KLHL32: variants seen among roughly 807,000 people sequenced by gnomAD.
KLHL32 encodes kelch like family member 32, also known as kelch-like protein 32.
In KLHL32, 35 loss-of-function variants were observed where a neutral mutation model predicts 64.8. The observed-to-expected ratio is 0.54, with a 90% CI of 0.41 to 0.72. The LOEUF (loss-of-function observed/expected upper bound fraction) is 0.72, where lower values mean the gene tolerates loss of function less well. Among genes scored for constraint, KLHL32 ranks in the 30% least tolerant of loss-of-function variants. KLHL32 has a pLI of 0.00. For missense variants in KLHL32, 589 were observed against 768.5 expected, an observed-to-expected ratio of 0.77 and a Z score of 2.76; for synonymous variants, 259 against 281.0, an observed-to-expected ratio of 0.92 and a Z score of 0.78.
rs185161172 is a variant in KLHL32, at chr6:97,002,744, C to T, written c.204+26567C>T. Among the ~76,000 whole-genome samples, 161 of 152,268 alleles carry T rather than the reference C, an allele frequency of 1.1e-3. 1 individual carries two copies. The highest frequency in any genetic ancestry group is 3.3e-3 in the African/African-American group (139 of 41,542). Reference sequence around the variant, plus strand: ...CGCAGTATTTGGTTTTCTGTTCCTGCGTTAGTTCACTTACAGTAGTGACCT... The same window carrying T: ...CGCAGTATTTGGTTTTCTGTTCCTGTGTTAGTTCACTTACAGTAGTGACCT... On this transcript the variant is annotated intron_variant, in intron 3 of 10. Transcript: ENST00000369261.
rs756162471 is a variant in KLHL32, at chr6:96,976,132, C to T, written c.159C>T (p.Phe53=). ...CCCTGATTGCTGAGGAACAGAAATT[C>T]CATGCTCACAAGGCAGTCCTAGCAG... is the stretch of plus-strand genomic sequence containing the variant. ...DITLIAEEQK[F]HAHKAVLAAC... Residue 53 remains phenylalanine, a synonymous_variant, in exon 3 of 11, where the codon TTC becomes TTT. Transcript: ENST00000369261. 5.6e-6 allele frequency: 9 copies of T among 1,606,106 alleles called. No individual in the cohort carries two copies. In the South Asian group the frequency reaches 7.8e-5, roughly 14 times the overall value.
chr6:96,937,785 T>G (rs947506453), intron 1 of KLHL32, among the ~76,000 whole-genome samples: 1 of 152,168 alleles, frequency 6.6e-6, no homozygotes, highest in Non-Finnish European at 1.5e-5. Flanking sequence ...TGTGCCACTT[T>G]CTTTATCCTT....
At chr6:97,107,469 G>A (rs979533323) in intron 6 of KLHL32, among the ~76,000 whole-genome samples, 13 of 152,218 alleles carry the variant, frequency 8.5e-5, no homozygotes, top group East Asian at 3.9e-4. Context: ...GGGTTAAGTC[G>A]GTTAACTTGT....
chr6:97,119,466 A>G (rs1798141880), intron 7 of KLHL32, among the ~76,000 whole-genome samples: 1 of 152,190 alleles, frequency 6.6e-6, no homozygotes, highest in Non-Finnish European at 1.5e-5. Flanking sequence ...GGGAAACACT[A>G]CAGGGATATC....
chr6:97,123,967 C>T (rs1446763647), intron 7 of KLHL32, among the ~76,000 whole-genome samples: 1 of 152,146 alleles, frequency 6.6e-6, no homozygotes, highest in Non-Finnish European at 1.5e-5. Context: ...TATGCAAATC[C>T]TTAGCATCTC....
chr6:96,910,487 A>G, the KLHL32 span, among the ~76,000 whole-genome samples: 1 of 152,208 alleles, frequency 6.6e-6, no homozygotes, highest in East Asian at 1.9e-4. Context: ...AGTCTTCCCA[A>G]CTATATGTGG....
chr6:97,016,225 A>C (rs1485784943), intron 3 of KLHL32, among the ~76,000 whole-genome samples: 1 of 152,214 alleles, frequency 6.6e-6, no homozygotes, highest in East Asian at 1.9e-4. Flanking sequence ...TGGCAGCTCC[A>C]CTGACAGCTT....
chr6:97,015,035 G>C (rs915963500), intron 3 of KLHL32, among the ~76,000 whole-genome samples: 1 of 152,106 alleles, frequency 6.6e-6, no homozygotes, highest in African/African-American at 2.4e-5. Context: ...TTTATATGGG[G>C]CTCTTTTTCC....
At chr6:97,064,585 T>A in intron 4 of KLHL32, 43 bp from the exon 5 acceptor site, 4 of 1,410,680 alleles carry the variant, frequency 2.8e-6, no homozygotes, top group Non-Finnish European at 4.0e-6. Context: ...ATTATATTTT[T>A]AAGTGTAACT....
intron 6 of KLHL32, among the ~76,000 whole-genome samples, chr6:97,108,936 A>T (rs776862572): frequency 2.5e-4 from 38 of 152,364 alleles, no homozygotes; most frequent in Admixed American, 5.2e-4. Context: ...GCAGCAATTT[A>T]CCATAGTGGA....
intron 1 of KLHL32, among the ~76,000 whole-genome samples, chr6:96,949,259 T>G (rs1038416668): frequency 3.9e-5 from 6 of 152,214 alleles, no homozygotes; most frequent in Admixed American, 1.3e-4. Flanking sequence ...TGGATGAGTC[T>G]TTCTAAAATC....
intron 1 of KLHL32, among the ~76,000 whole-genome samples, chr6:96,952,341 C>T (rs997185089): frequency 6.6e-6 from 1 of 151,936 alleles, no homozygotes; most frequent in Non-Finnish European, 1.5e-5. Context: ...TTTTTGTGAC[C>T]AGAAATATGC....
chr6:96,952,963 A>G (rs7769945), intron 1 of KLHL32, among the ~76,000 whole-genome samples: 33,823 of 151,996 alleles, frequency 0.22, 3,961 homozygotes, highest in Admixed American at 0.27. Context: ...TTCATCCCCA[A>G]TCAATCAGCA....
intron 6 of KLHL32, among the ~76,000 whole-genome samples, chr6:97,092,465 T>C (rs1794404296): frequency 6.6e-6 from 1 of 152,220 alleles, no homozygotes; most frequent in Non-Finnish European, 1.5e-5. Context: ...TCTGAAACTT[T>C]TTATAGTTTC....
At chr6:97,044,995 C>CTAT (rs1480203003) in intron 4 of KLHL32, among the ~76,000 whole-genome samples, 2 of 151,940 alleles carry the variant, frequency 1.3e-5, no homozygotes, top group African/African-American at 4.8e-5. Flanking sequence ...TTTGTAGTCT[C>CTAT]TATTTTTCAC....
rs142369456 is a variant in KLHL32, at chr6:96,999,511, G to A, written c.204+23334G>A. On this transcript the variant is annotated intron_variant, in intron 3 of 10. Transcript: ENST00000369261. ...TCATCTGTTTTCACCATATTTGATG[G>A]AATTTTGAAGTGAACAATTCCTGAC... 7.0e-3 allele frequency: 6,817 copies of A among 968,720 alleles called. 48 individuals carry two copies. The highest frequency in any genetic ancestry group is 0.027 in the South Asian group (559 of 20,870). The allele number at this position is 968,720 out of a possible 1,614,324, so 60.0% of individuals were successfully genotyped here.
intron 4 of KLHL32, among the ~76,000 whole-genome samples, chr6:97,050,424 G>A (rs555857613): frequency 6.6e-6 from 1 of 152,266 alleles, no homozygotes; most frequent in South Asian, 2.1e-4. Flanking sequence ...GAGAGAGCAT[G>A]GAGGTATGGC....
chr6:96,967,373 G>C (rs1457621498), intron 2 of KLHL32, among the ~76,000 whole-genome samples: 2 of 151,328 alleles, frequency 1.3e-5, no homozygotes, highest in African/African-American at 4.9e-5. Flanking sequence ...CTAGTATAAA[G>C]GTATATCACA....
chr6:97,118,619 CAA>C (rs376156341), intron 7 of KLHL32, among the ~76,000 whole-genome samples: 16 of 101,220 alleles, frequency 1.6e-4, no homozygotes, highest in Admixed American at 4.1e-4. Context: ...AACTGCATCT[CAA>C]AAAAAAAAAA....
Sources: allele counts gnomAD v4.1 joint callset (sites outside exome capture counted in the v4.1 genomes callset), GRCh38; gene constraint gnomAD v4.1.1; transcripts MANE v1.5; gene names NCBI Gene and HGNC (gene_info 2026-07-23, HGNC 2026-07-21).